The following CADM2 variants were observed in gnomAD, a reference collection of about 807,000 sequenced individuals.
CADM2 encodes the protein immunoglobulin superfamily member 4D.
In CADM2, 12 loss-of-function variants were observed where a neutral mutation model predicts 49.8. The ratio of observed to expected loss-of-function variants is 0.24; its 90% CI spans 0.15 to 0.39. CADM2 has a LOEUF of 0.39. CADM2 is among the 10% of genes least tolerant of loss of function. CADM2 has a pLI of 1.00. For synonymous variants in CADM2, 214 were observed against 175.4 expected, an observed-to-expected ratio of 1.22 and a Z score of -1.74; for missense variants, 378 against 492.3, an observed-to-expected ratio of 0.77 and a Z score of 2.20.
At chr3:85,411,040 C>T (rs2035632310) in intron 1 of CADM2, among the ~76,000 whole-genome samples, 1 of 152,122 alleles carries the variant, frequency 6.6e-6, no homozygotes, top group African/African-American at 2.4e-5. Context: ...GTATTTAAGC[C>T]ATACTTTGAC....
intron 8 of CADM2, among the ~76,000 whole-genome samples, chr3:86,051,526 G>A (rs911857806): frequency 6.6e-6 from 1 of 152,026 alleles, no homozygotes; most frequent in Non-Finnish European, 1.5e-5. Flanking sequence ...CCTACTCCTT[G>A]ATACCAATTT....
At chr3:85,102,936 G>A (rs990537983) in intron 1 of CADM2, among the ~76,000 whole-genome samples, 2 of 152,046 alleles carry the variant, frequency 1.3e-5, no homozygotes, top group African/African-American at 4.8e-5. Context: ...TCAATGATAA[G>A]GTAACCTAAG....
At chr3:86,028,256 A>T (rs964764647) in intron 8 of CADM2, among the ~76,000 whole-genome samples, 14 of 151,858 alleles carry the variant, frequency 9.2e-5, no homozygotes, top group Non-Finnish European at 1.8e-4. Context: ...TCATTTCACC[A>T]TTCTTCAGGC....
chr3:85,924,613 A>AAATAAATG lies in CADM2; in HGVS notation c.701-11147_701-11146insGAATAAAT, dbSNP rs1719590643. Among the ~76,000 whole-genome samples, 3 of 151,634 alleles carry AAATAAATG rather than the reference A, an allele frequency of 2.0e-5. No homozygotes were observed. In the South Asian group the frequency reaches 6.3e-4, roughly 32 times the overall value. ...TCTAAAAATAAATAAATAAATAAAT[A>AAATAAATG]AATAAATAAATAAGAATTAAAATGA... On this transcript the variant is annotated intron_variant, in intron 6 of 9. Transcript: ENST00000383699.
chr3:85,286,484 T>C (rs540970723), intron 1 of CADM2, among the ~76,000 whole-genome samples: 1 of 152,292 alleles, frequency 6.6e-6, no homozygotes, highest in South Asian at 2.1e-4. Context: ...AAGTGACATT[T>C]GGAGTTTGAG....
At chr3:85,194,028 G>T (rs548197646) in intron 1 of CADM2, among the ~76,000 whole-genome samples, 1 of 152,162 alleles carries the variant, frequency 6.6e-6, no homozygotes, top group South Asian at 2.1e-4. Flanking sequence ...TTGTATAACA[G>T]GGATTTTACC....
intron 3 of CADM2, among the ~76,000 whole-genome samples, chr3:85,854,571 T>C (rs1238243759): frequency 6.6e-6 from 1 of 151,712 alleles, no homozygotes; most frequent in East Asian, 1.9e-4. Context: ...TAAGTGGGAG[T>C]TGAACAAAGA....
chr3:85,540,018 G>A (rs1480545015), intron 1 of CADM2, among the ~76,000 whole-genome samples: 8 of 152,064 alleles, frequency 5.3e-5, no homozygotes. Context: ...GAGTAAAAGA[G>A]AGACCAGAGC....
intron 1 of CADM2, among the ~76,000 whole-genome samples, chr3:85,608,852 A>T (rs753708951): frequency 2.6e-5 from 4 of 152,152 alleles, no homozygotes; most frequent in Non-Finnish European, 5.9e-5. Context: ...GGGAAAAGAA[A>T]ACCCAGCAGA....
intron 2 of CADM2, among the ~76,000 whole-genome samples, chr3:85,773,403 A>C (rs2107962723): frequency 6.6e-6 from 1 of 152,192 alleles, no homozygotes; most frequent in African/African-American, 2.4e-5. Context: ...TCTCTGCACA[A>C]GGAACTTAAC....
chr3:85,886,381 T>C (rs1713658427), intron 5 of CADM2, 54 bp downstream of exon 5: 1 of 1,382,098 alleles, frequency 7.2e-7, no homozygotes, highest in Non-Finnish European at 1.0e-6. Context: ...CAGTATGACA[T>C]GTTAAGAAAA....
intron 7 of CADM2, among the ~76,000 whole-genome samples, chr3:85,940,164 C>CAAA (rs10527231): frequency 2.9e-4 from 15 of 52,170 alleles, no homozygotes; most frequent in Non-Finnish European, 3.9e-4. Flanking sequence ...ACTAAAAATA[C>CAAA]AAAAAAAAAA....
intron 1 of CADM2, among the ~76,000 whole-genome samples, chr3:85,156,099 C>G (rs1423487731): frequency 1.3e-5 from 2 of 151,998 alleles, no homozygotes; most frequent in African/African-American, 4.8e-5. Flanking sequence ...CAAAAGCTAG[C>G]AGAAGGCAAG....
intron 3 of CADM2, among the ~76,000 whole-genome samples, chr3:85,862,669 T>C (rs1171612899): frequency 6.6e-6 from 1 of 152,182 alleles, no homozygotes; most frequent in Non-Finnish European, 1.5e-5. Flanking sequence ...AAAATGCATA[T>C]GAGCCAAACT....
At chr3:85,761,437 C>T (rs983352368) in intron 2 of CADM2, among the ~76,000 whole-genome samples, 2 of 134,812 alleles carry the variant, frequency 1.5e-5, no homozygotes, top group Admixed American at 1.6e-4. Flanking sequence ...CATTCAGTGG[C>T]ATGATCTCGG....
chr3:85,359,664 A>ATTT lies in CADM2; in HGVS notation c.62-366857_62-366856insTTT, dbSNP rs1434535137. 9.1e-3 allele frequency among the ~76,000 whole-genome samples: 274 copies of ATTT among 30,008 alleles called. 13 individuals are homozygous for ATTT. The highest frequency in any genetic ancestry group is 0.025 in the Middle Eastern group (1 of 40). The allele number at this position is 30,008 out of a possible 152,430, so 19.7% of individuals were successfully genotyped here. A position where few individuals can be genotyped will look rare whatever the true frequency, so the allele number is the denominator to read the frequency against. On this transcript the variant is annotated intron_variant, in intron 1 of 9. Transcript: ENST00000383699. ...TATATATATATATATATATATATAT[A>ATTT]TATTTTTTTTTTTGGTGGAGGGGAG...
chr3:85,607,658 A>T (rs975267560), intron 1 of CADM2, among the ~76,000 whole-genome samples: 15 of 146,196 alleles, frequency 1.0e-4, no homozygotes, highest in Non-Finnish European at 9.1e-5. Context: ...CAAAATAATT[A>T]TTTTTTTTTT....
At chr3:86,051,044 C>T (rs1285297514) in intron 8 of CADM2, among the ~76,000 whole-genome samples, 2 of 152,138 alleles carry the variant, frequency 1.3e-5, no homozygotes, top group Non-Finnish European at 2.9e-5. Flanking sequence ...GAAAATTTTC[C>T]AAGCTTATAT....
At chr3:85,088,512 G>T (rs1017888304) in intron 1 of CADM2, among the ~76,000 whole-genome samples, 1 of 151,938 alleles carries the variant, frequency 6.6e-6, no homozygotes, top group Non-Finnish European at 1.5e-5. Context: ...TATTTTTCTG[G>T]CATATAAGAT....
Sources: allele counts gnomAD v4.1 joint callset (sites outside exome capture counted in the v4.1 genomes callset), GRCh38; gene constraint gnomAD v4.1.1; transcripts MANE v1.5; gene names NCBI Gene and HGNC (gene_info 2026-07-23, HGNC 2026-07-21).